Variants in PHACTR1 observed in about 807,000 individuals in gnomAD.
PHACTR1 encodes phosphatase and actin regulator 1, also known as RPEL repeat containing 1.
In PHACTR1, 16 loss-of-function variants were observed where a neutral mutation model predicts 69.2. The observed-to-expected ratio is 0.23, with a 90% CI of 0.16 to 0.35. The LOEUF (loss-of-function observed/expected upper bound fraction) is 0.35, where lower values mean the gene tolerates loss of function less well. Ranked by LOEUF, PHACTR1 falls within the 10% of genes least tolerant of loss-of-function variation. The pLI, the probability that PHACTR1 is intolerant of heterozygous loss-of-function variation, is 1.00. For synonymous variants in PHACTR1, 312 were observed against 284.5 expected (o/e 1.10, Z -0.97); for missense variants, 510 against 734.7 (o/e 0.69, Z 3.54).
At chr6:13,234,159 G>C (rs1282534451) in intron 10 of PHACTR1, among the ~76,000 whole-genome samples, 1 of 152,244 alleles carries the variant, frequency 6.6e-6, no homozygotes, top group Non-Finnish European at 1.5e-5. Flanking sequence ...AGCCAGGGCA[G>C]AATGAAGGGG....
At chr6:12,829,160 C>A (rs1185666659) in intron 4 of PHACTR1, among the ~76,000 whole-genome samples, 1 of 152,116 alleles carries the variant, frequency 6.6e-6, no homozygotes, top group Non-Finnish European at 1.5e-5. Flanking sequence ...GGAATAGAAG[C>A]AAGACATACA....
At chr6:12,732,433 G>T (rs566194167) in intron 3 of PHACTR1, among the ~76,000 whole-genome samples, 1 of 151,984 alleles carries the variant, frequency 6.6e-6, no homozygotes, top group Non-Finnish European at 1.5e-5. Flanking sequence ...GTGTCATGGC[G>T]GTTTGCTGCA....
At chr6:13,088,464 T>G (rs892369643) in intron 5 of PHACTR1, among the ~76,000 whole-genome samples, 23 of 152,308 alleles carry the variant, frequency 1.5e-4, no homozygotes, top group African/African-American at 5.3e-4. Flanking sequence ...AATATCTACC[T>G]AGGTGGTTCT....
chr6:12,825,901 T>G (rs1776752327), intron 4 of PHACTR1, among the ~76,000 whole-genome samples: 1 of 151,800 alleles, frequency 6.6e-6, no homozygotes, highest in Non-Finnish European at 1.5e-5. Flanking sequence ...AAATAACACA[T>G]GAAAAGAAAA....
chr6:12,956,894 C>G (rs1791956246), intron 4 of PHACTR1, among the ~76,000 whole-genome samples: 1 of 152,080 alleles, frequency 6.6e-6, no homozygotes, highest in Admixed American at 6.5e-5. Flanking sequence ...TGCTACCGTC[C>G]CATCCTGAGA....
chr6:13,141,724 C>CTTTTTTTTTTTTTTT (rs577073698), intron 5 of PHACTR1, among the ~76,000 whole-genome samples: 13 of 89,740 alleles, frequency 1.4e-4, no homozygotes, highest in Non-Finnish European at 1.8e-4. Context: ...TTTCTTCTTT[C>CTTTTTTTTTTTTTTT]TTTTTTTTTT....
Position 12,895,463 on chromosome 6 carries a change from A to T in PHACTR1, c.250+145673A>T, listed in dbSNP as rs554652869. The stretch of plus-strand genomic sequence containing the variant: ...CTCCCAAAGTGCTGGGATTACAGGC[A>T]TGAGCCACCATGCCCAGCTGATTCT... On this transcript the variant is annotated intron_variant, in intron 4 of 14. Transcript: ENST00000332995. Among the ~76,000 whole-genome samples the T allele has an allele frequency of 2.0e-5, 3 of 152,188 alleles. No homozygotes were observed. The South Asian group carries it at 6.2e-4, about 32-fold the overall frequency.
chr6:13,209,087 G>A (rs891211245), intron 8 of PHACTR1, among the ~76,000 whole-genome samples: 1 of 152,110 alleles, frequency 6.6e-6, no homozygotes, highest in Admixed American at 6.5e-5. Flanking sequence ...GAGAAAGAGA[G>A]GCCCTCTTCC....
chr6:12,961,910 C>G (rs1445748955), intron 4 of PHACTR1, among the ~76,000 whole-genome samples: 1 of 151,958 alleles, frequency 6.6e-6, no homozygotes, highest in Non-Finnish European at 1.5e-5. Context: ...GTGCCTTAGT[C>G]TCCTTCTCTT....
At chr6:12,959,002 C>T (rs936864329) in intron 4 of PHACTR1, among the ~76,000 whole-genome samples, 2 of 151,754 alleles carry the variant, frequency 1.3e-5, no homozygotes, top group Admixed American at 6.6e-5. Flanking sequence ...CATGGTGAAA[C>T]CCTGTCTCTA....
In PHACTR1 at chr6:13,198,622, G is replaced by GAA. The variant is rs201932224; in HGVS notation, c.665-7182_665-7181dup. 1.4e-3 allele frequency among the ~76,000 whole-genome samples: 184 copies of GAA among 135,074 alleles called. 1 individual carries two copies. Among genetic ancestry groups the GAA allele is most frequent in the East Asian group, 4.3e-3 (21 of 4,914 alleles). The allele number at this position is 135,074 out of a possible 152,430, so 88.6% of individuals were successfully genotyped here. A position where few individuals can be genotyped will look rare whatever the true frequency, so the allele number is the denominator to read the frequency against. On this transcript the variant is annotated intron_variant, in intron 7 of 14. Coordinates refer to ENST00000332995, the MANE Select transcript of PHACTR1 (RefSeq NM_030948.6). Reference sequence around the variant, plus strand: ...CAAATACTAATGATACCTGATGAGTGAAAAAAAAAAAACGAAAGAAAAGAA... The same window carrying GAA: ...CAAATACTAATGATACCTGATGAGTGAAAAAAAAAAAAAACGAAAGAAAAGAA...
intron 3 of PHACTR1, among the ~76,000 whole-genome samples, chr6:12,729,738 G>A (rs1763249009): frequency 6.6e-6 from 1 of 152,194 alleles, no homozygotes; most frequent in East Asian, 1.9e-4. Flanking sequence ...AAGACCAGAG[G>A]CAAGGAGAGG....
chr6:13,172,615 T>G (rs1333556779), intron 6 of PHACTR1, among the ~76,000 whole-genome samples: 1 of 152,222 alleles, frequency 6.6e-6, no homozygotes, highest in Non-Finnish European at 1.5e-5. Flanking sequence ...AGGGTCAATG[T>G]CTTTGCCACT....
intron 5 of PHACTR1, among the ~76,000 whole-genome samples, chr6:13,149,927 G>A (rs181717993): frequency 6.6e-6 from 1 of 151,904 alleles, no homozygotes; most frequent in Non-Finnish European, 1.5e-5. Context: ...GGAAGACAAA[G>A]GATTGGACAT....
At position 13,202,158 on chromosome 6, in the gene PHACTR1, T is replaced by C. The variant is rs149849111; in HGVS notation, c.665-3657T>C. ...GCTGGCCTTTTCTTCCTTGCCTGTTTCCATAGAATTGCTGGGGCTCACTTG... is the reference window on the plus strand; with the variant it reads ...GCTGGCCTTTTCTTCCTTGCCTGTTCCCATAGAATTGCTGGGGCTCACTTG... On this transcript the variant is annotated intron_variant, in intron 7 of 14. Transcript: ENST00000332995. Among the ~76,000 whole-genome samples the C allele has an allele frequency of 7.5e-3, 1,148 of 152,316 alleles. 13 individuals are homozygous for C. Among genetic ancestry groups the C allele is most frequent in the African/African-American group, 0.025 (1,045 of 41,570 alleles).
At chr6:12,806,469 C>T (rs1213239273) in intron 4 of PHACTR1, among the ~76,000 whole-genome samples, 1 of 152,048 alleles carries the variant, frequency 6.6e-6, no homozygotes, top group Non-Finnish European at 1.5e-5. Flanking sequence ...ATGGACTAAG[C>T]ACCTCCCTAA....
chr6:12,979,039 G>A (rs1449130123), intron 4 of PHACTR1, among the ~76,000 whole-genome samples: 1 of 152,170 alleles, frequency 6.6e-6, no homozygotes, highest in African/African-American at 2.4e-5. Context: ...CAAAATGATT[G>A]TTGATTTTAA....
chr6:13,132,011 C>G (rs918638803), intron 5 of PHACTR1, among the ~76,000 whole-genome samples: 1 of 152,184 alleles, frequency 6.6e-6, no homozygotes. Context: ...AAACAGTGCA[C>G]TAGACCCCTT....
In PHACTR1 at chr6:12,767,379, G is replaced by A. The variant is rs145785144; in HGVS notation, c.250+17589G>A. On this transcript the variant is annotated intron_variant, in intron 4 of 14. Coordinates refer to ENST00000332995, the MANE Select transcript of PHACTR1 (RefSeq NM_030948.6). ...AGTCATTATATGTAGGCCTTCCAAA[G>A]GAAGCCTCTATAAATCATATTTCAG... Among the ~76,000 whole-genome samples the A allele has an allele frequency of 2.6e-3, 399 of 152,288 alleles. 6 individuals carry two copies. The highest frequency in any genetic ancestry group is 0.022 in the Admixed American group (336 of 15,306).
Sources: allele counts gnomAD v4.1 joint callset (sites outside exome capture counted in the v4.1 genomes callset), GRCh38; gene constraint gnomAD v4.1.1; transcripts MANE v1.5; gene names NCBI Gene and HGNC (gene_info 2026-07-23, HGNC 2026-07-21).